The following CRB1 variants were observed in gnomAD, a reference collection of about 807,000 sequenced individuals.
CRB1 encodes the protein crumbs cell polarity complex component 1.
CRB1 carries 83 observed loss-of-function variants against 120.0 expected under a neutral mutation model. The ratio of observed to expected loss-of-function variants is 0.69; its 90% confidence interval spans 0.58 to 0.83. The LOEUF (loss-of-function observed/expected upper bound fraction) is 0.83. Ranked by LOEUF, CRB1 falls within the 40% of genes least tolerant of loss-of-function variation. CRB1 has a pLI of 0.00. For synonymous variants in CRB1, 625 were observed against 612.5 expected (o/e 1.02, Z -0.30); for missense variants, 1,699 against 1,687.6 (o/e 1.01, Z -0.12).
chr1:197,366,384 A>C (rs1661078149), intron 5 of CRB1, among the ~76,000 whole-genome samples: 2 of 152,216 alleles, frequency 1.3e-5, no homozygotes, highest in African/African-American at 4.8e-5. Context: ...TAGTACATTT[A>C]CTGACAGCTC....
rs1405034397 is a variant in CRB1 at position 197,328,894 on chromosome 1, A to T, written c.543A>T (p.Arg181Ser). Residue 181 changes from arginine (R) to serine (S), a missense_variant, in exon 2 of 12, where the codon AGA becomes AGT. By Grantham distance (110) the Arg-to-Ser change is moderately radical (BLOSUM62 -1). Transcript: ENST00000367400. Reference protein sequence around the residue: ...SCFCVPGYQGRHCDLEVDECA... With the variant: ...SCFCVPGYQGSHCDLEVDECA... ...TCTGTGTCCCAGGATATCAAGGCAG[A>T]CACTGCGACTTGGAAGTGGATGAAT... 1 of 1,614,156 alleles carries T rather than the reference A, an allele frequency of 6.2e-7. No individual in the cohort carries two copies. The highest frequency in any genetic ancestry group is 1.3e-5 in the African/African-American group (1 of 74,954).
chr1:197,316,435 G>C (rs1657849266), intron 1 of CRB1, among the ~76,000 whole-genome samples: 1 of 151,742 alleles, frequency 6.6e-6, no homozygotes. Flanking sequence ...CGCCCGCCTC[G>C]GCCTCCCAAA....
chr1:197,330,161 C>T (rs1486692093), intron 2 of CRB1, among the ~76,000 whole-genome samples: 1 of 151,964 alleles, frequency 6.6e-6, no homozygotes, highest in Non-Finnish European at 1.5e-5. Context: ...AATTTTTCCC[C>T]TCTCCCTCCT....
chr1:197,238,049 C>T, the CRB1 span, among the ~76,000 whole-genome samples: 1 of 152,096 alleles, frequency 6.6e-6, no homozygotes, highest in Non-Finnish European at 1.5e-5. Context: ...TGTATTTTCA[C>T]TTTTCACTGA....
At chr1:197,323,715 A>G (rs879794297) in intron 1 of CRB1, among the ~76,000 whole-genome samples, 1 of 152,190 alleles carries the variant, frequency 6.6e-6, no homozygotes, top group Non-Finnish European at 1.5e-5. Flanking sequence ...AGGGCAGGGC[A>G]TCTTCTATGA....
At chr1:197,212,557 A>G in the CRB1 span, among the ~76,000 whole-genome samples, 5 of 152,320 alleles carry the variant, frequency 3.3e-5, no homozygotes, top group South Asian at 1.0e-3. Context: ...ACTGCAAGTT[A>G]TTATAACAGA....
At chr1:197,412,478 G>T (rs1571501977) in intron 5 of CRB1, among the ~76,000 whole-genome samples, 1 of 152,240 alleles carries the variant, frequency 6.6e-6, no homozygotes, top group East Asian at 1.9e-4. Flanking sequence ...ATAAAAGTCA[G>T]TGTCATAGTC....
chr1:197,438,138 T>A (rs1665249916), intron 9 of CRB1: 2 of 233,108 alleles, frequency 8.6e-6, no homozygotes, highest in African/African-American at 4.6e-5. Flanking sequence ...AGAAATCACA[T>A]GAGTGCTTGG....
At chr1:197,403,612 A>G (rs958024852) in intron 5 of CRB1, among the ~76,000 whole-genome samples, 2 of 152,140 alleles carry the variant, frequency 1.3e-5, no homozygotes, top group Admixed American at 6.5e-5. Flanking sequence ...AGTCTTCAAG[A>G]TAACCCTGCT....
intron 1 of CRB1, among the ~76,000 whole-genome samples, chr1:197,272,759 G>T (rs564642102): frequency 8.5e-5 from 13 of 152,128 alleles, no homozygotes; most frequent in East Asian, 1.9e-4. Context: ...ATCAGTGGCT[G>T]CCAGAGAATC....
intron 2 of CRB1, among the ~76,000 whole-genome samples, chr1:197,337,067 G>A (rs907926403): frequency 1.3e-5 from 2 of 152,188 alleles, no homozygotes; most frequent in Non-Finnish European, 2.9e-5. Context: ...ATGTTGAAAT[G>A]CTGTCCAAGG....
At chr1:197,294,132 A>C (rs1403560282) in intron 1 of CRB1, among the ~76,000 whole-genome samples, 1 of 152,042 alleles carries the variant, frequency 6.6e-6, no homozygotes, top group African/African-American at 2.4e-5. Flanking sequence ...AGGCAACCTA[A>C]AGAATGGGAG....
intron 11 of CRB1, among the ~76,000 whole-genome samples, chr1:197,461,810 G>A (rs1231113279): frequency 6.6e-6 from 1 of 152,128 alleles, no homozygotes; most frequent in African/African-American, 2.4e-5. Flanking sequence ...CATCATTTAT[G>A]TCCAGGAGTG....
intron 5 of CRB1, among the ~76,000 whole-genome samples, chr1:197,361,861 T>C (rs1050454647): frequency 2.0e-5 from 3 of 152,014 alleles, no homozygotes; most frequent in African/African-American, 7.2e-5. Flanking sequence ...TATTTCTGTT[T>C]GCTTTGGGTT....
At chr1:197,465,729 C>A (rs1241383217) in intron 11 of CRB1, among the ~76,000 whole-genome samples, 1 of 152,170 alleles carries the variant, frequency 6.6e-6, no homozygotes, top group Non-Finnish European at 1.5e-5. Context: ...TGTCTTTCAT[C>A]TTCCACTAGG....
At chr1:197,242,526 C>G in the CRB1 span, among the ~76,000 whole-genome samples, 14 of 152,122 alleles carry the variant, frequency 9.2e-5, no homozygotes, top group Admixed American at 6.6e-5. Context: ...AGGGATGAAG[C>G]CAACTTGATT....
chr1:197,283,080 C>A lies in CRB1; in HGVS notation c.70+14598C>A, dbSNP rs1453059146. Among the ~76,000 whole-genome samples, 16 of 151,054 alleles carry A rather than the reference C, an allele frequency of 1.1e-4. No individual in the cohort carries two copies. In the Admixed American group the frequency reaches 1.1e-3, roughly 10 times the overall value. On this transcript the variant is annotated intron_variant, in intron 1 of 11. Transcript: ENST00000367400. ...GAATCTCAACACTTAGTCAAAAGGT[C>A]ATTTTTGTTTTCCAAAAAGGTTAAG...
intron 4 of CRB1, among the ~76,000 whole-genome samples, chr1:197,354,434 T>C (rs894375556): frequency 2.6e-5 from 4 of 152,110 alleles, no homozygotes; most frequent in African/African-American, 9.7e-5. Flanking sequence ...AAAGATGGGG[T>C]GTCCGCAGTC....
At position 197,370,411 on chromosome 1, in the gene CRB1, T is replaced by G. The variant is rs147640887; in HGVS notation, c.1171+13398T>G. 4.9e-3 allele frequency among the ~76,000 whole-genome samples: 749 copies of G among 152,178 alleles called. 5 individuals carry two copies. The highest frequency in any genetic ancestry group is 6.8e-3 in the Middle Eastern group (2 of 294). ...TCAGCACATGGAACATTCTCCAAGATAGACCATATGATAGGCCACAAAACA... is the reference window on the plus strand; with the variant it reads ...TCAGCACATGGAACATTCTCCAAGAGAGACCATATGATAGGCCACAAAACA... On this transcript the variant is annotated intron_variant, in intron 5 of 11. Transcript: ENST00000367400.
Sources: allele counts gnomAD v4.1 joint callset (sites outside exome capture counted in the v4.1 genomes callset), GRCh38; gene constraint gnomAD v4.1.1; transcripts MANE v1.5; gene names NCBI Gene and HGNC (gene_info 2026-07-23, HGNC 2026-07-21).